The following TRIM49B variants were observed in gnomAD, a reference collection of about 807,000 sequenced individuals.
TRIM49B encodes the protein tripartite motif containing 49B.
A neutral mutation model predicts 31.8 loss-of-function variants in TRIM49B; 18 were observed. The ratio of observed to expected loss-of-function variants is 0.57; its 90% CI spans 0.39 to 0.84. The LOEUF is 0.84. TRIM49B is among the 40% of genes least tolerant of loss of function. The pLI is 0.00. For missense variants in TRIM49B, 494 were observed against 538.7 expected, an observed-to-expected ratio of 0.92 and a Z score of 0.82; for synonymous variants, 196 against 180.6, an observed-to-expected ratio of 1.09 and a Z score of -0.68.
intron 1 of TRIM49B, 134 bp from the exon 2 acceptor site, chr11:49,031,462 A>G (rs1854444383): frequency 2.7e-6 from 4 of 1,477,206 alleles, no homozygotes; most frequent in Non-Finnish European, 3.6e-6. Flanking sequence ...TAAGTTTGTA[A>G]CAGAAGAAAT....
Position 49,034,495 on chromosome 11 carries a change from A to G in TRIM49B, c.738+119A>G, listed in dbSNP as rs1261208875. 29 of 1,600,302 alleles carry G rather than the reference A, an allele frequency of 1.8e-5. No homozygotes were observed. The East Asian group carries it at 5.6e-4, about 31-fold the overall frequency. On this transcript the variant is annotated intron_variant, in intron 4 of 6. Transcript: ENST00000332682. ...ATGATGTGTTTCCAAAAACACATTCACATAACTAATGCTACTTTGTTGGGA... is the reference window on the plus strand; with the variant it reads ...ATGATGTGTTTCCAAAAACACATTCGCATAACTAATGCTACTTTGTTGGGA...
chr11:49,031,834 A>G lies in TRIM49B; in HGVS notation c.235A>G (p.Lys79Glu). The G allele has an allele frequency of 6.2e-7, 1 of 1,613,970 alleles. No homozygotes were observed. The highest frequency in any genetic ancestry group is 8.5e-7 in the Non-Finnish European group (1 of 1,179,874). ...CAAGAAGATGGCTTCTCTTGCTAGA[A>G]AAGTCAGTCTCTGGCTATTCCTGAG... ...HFKKMASLARKVSLWLFLSSE... is the reference protein window; with the variant it reads ...HFKKMASLAREVSLWLFLSSE... Residue 79 changes from lysine to glutamate, a missense_variant, in exon 2 of 7, where the codon AAA becomes GAA. Around this residue, in one of 3 missense-constraint regions of TRIM49B, gnomAD observed 251 missense variants for 232.8 expected, o/e 1.08. Transcript: ENST00000332682.
chr11:49,037,948 A>G lies in TRIM49B; in HGVS notation c.1330A>G (p.Arg444Gly). ...IPNCSFSPPL[R>G]PIFCCIHF Reference sequence around the variant, plus strand: ...TAATTGCTCTTTCTCACCTCCTCTCAGGCCTATCTTTTGCTGTATTCACTT... The same window carrying G: ...TAATTGCTCTTTCTCACCTCCTCTCGGGCCTATCTTTTGCTGTATTCACTT... Residue 444 changes from arginine to glycine, a missense_variant, in exon 7 of 7, where the codon AGG (arginine) becomes GGG (glycine). Physicochemically the swap from Arg to Gly is moderately radical, Grantham distance 125. Around this residue, in one of 3 missense-constraint regions of TRIM49B, gnomAD observed 233 missense variants for 281.4 expected, o/e 0.83. Transcript: ENST00000332682. 2 of 1,612,278 alleles carry G rather than the reference A, an allele frequency of 1.2e-6. No individual in the cohort carries two copies. The highest frequency in any genetic ancestry group is 2.2e-5 in the South Asian group (2 of 90,992).
chr11:49,035,975 AT>A (rs1463778473), intron 5 of TRIM49B, among the ~76,000 whole-genome samples: 14 of 110,820 alleles, frequency 1.3e-4, no homozygotes, highest in Non-Finnish European at 2.3e-4. Flanking sequence ...GAACCCCGCT[AT>A]TTCAGACAAA....
chr11:49,033,475 ATATG>A (rs5791864), intron 3 of TRIM49B, among the ~76,000 whole-genome samples: 119,072 of 148,764 alleles, frequency 0.8, 47,828 homozygotes, highest in African/African-American at 0.83. Flanking sequence ...GTATATATAT[ATATG>A]TATGTATGTA....
rs773619981 is a variant in TRIM49B at position 49,037,542 on chromosome 11, C to A, written c.924C>A (p.Ser308Arg). The stretch of plus-strand genomic sequence containing the variant: ...TCTTTCTATGTGAAATTTTGAGAAG[C>A]ATGTGTATTGGATGTGACCATCAAG... ...SDIFLCEILRSMCIGCDHQDV... is the reference protein window; with the variant it reads ...SDIFLCEILRRMCIGCDHQDV... Residue 308 changes from serine (S) to arginine (R), a missense_variant, in exon 7 of 7, where the codon AGC becomes AGA. Ser to Arg is a moderately radical substitution (Grantham distance 110, BLOSUM62 -1). Around this residue, in one of 3 missense-constraint regions of TRIM49B, gnomAD observed 233 missense variants for 281.4 expected, o/e 0.83. Transcript: ENST00000332682. 6 of 1,614,008 alleles carry A rather than the reference C, an allele frequency of 3.7e-6. No individual in the cohort carries two copies. The highest frequency in any genetic ancestry group is 5.1e-6 in the Non-Finnish European group (6 of 1,180,038).
rs1226343768 is a variant in TRIM49B, at chr11:49,034,393, T to A, written c.738+17T>A. 1 of 1,611,858 alleles carries A rather than the reference T, an allele frequency of 6.2e-7. No homozygotes were observed. The highest frequency in any genetic ancestry group is 2.2e-5 in the East Asian group (1 of 44,890). The stretch of plus-strand genomic sequence containing the variant: ...CTACTTCAGGTACAAACTCGCCATG[T>A]GGTTTCAGGTTTTTGAATATTCACA... On this transcript the variant is annotated intron_variant, in intron 4 of 6. Coordinates refer to ENST00000332682, the MANE Select transcript of TRIM49B (RefSeq NM_001206626.2).
chr11:49,037,183 A>G (rs1198453894), intron 6 of TRIM49B, among the ~76,000 whole-genome samples: 1 of 152,248 alleles, frequency 6.6e-6, no homozygotes, highest in Admixed American at 6.5e-5. Flanking sequence ...CTAAATAATG[A>G]TCTTGATAAC....
rs745858955 is a variant in TRIM49B at position 49,031,706 on chromosome 11, G to A, written c.107G>A (p.Arg36Lys). The change falls in exon 2 of 7, where the codon AGG becomes AAG. Residue 36 changes from arginine to lysine, a missense_variant. Transcript: ENST00000332682. Reference sequence around the variant, plus strand: ...ATAGACTGTGGGCACAGCTTTTGCAGGCCTTGTTTCTACCTCAACTGGAAA... The same window carrying A: ...ATAGACTGTGGGCACAGCTTTTGCAAGCCTTGTTTCTACCTCAACTGGAAA... ...VTIDCGHSFC[R>K]PCFYLNWKDS... The A allele has an allele frequency of 5.0e-6, 8 of 1,613,938 alleles. No individual in the cohort carries two copies. The highest frequency in any genetic ancestry group is 6.8e-6 in the Non-Finnish European group (8 of 1,179,864).
At chr11:49,035,968 C>A (rs1031704029) in intron 5 of TRIM49B, among the ~76,000 whole-genome samples, 1 of 133,744 alleles carries the variant, frequency 7.5e-6, no homozygotes. Context: ...CTCCCCAGAA[C>A]CCCGCTATTT....
rs535054591 is a variant in TRIM49B, at chr11:49,031,973, G to A, written c.374G>A (p.Arg125Lys). 12 of 1,612,042 alleles carry A rather than the reference G, an allele frequency of 7.4e-6. No individual in the cohort carries two copies. The South Asian group carries it at 1.3e-4, about 18-fold the overall frequency. The change falls in exon 2 of 7, where the codon AGA (arginine) becomes AAA (lysine). Residue 125 changes from arginine (R) to lysine (K), a missense_variant. By Grantham distance (26) the Arg-to-Lys change is conservative. This residue lies in a region of TRIM49B where 251 missense variants were observed against 232.8 expected (regional missense o/e 1.08). Transcript: ENST00000332682. ...CSSSQEHRDH[R>K]HCPIESAAEE... Reference sequence around the variant, plus strand: ...AGCTCTCAGGAGCACCGGGATCACAGACACTGTCCCATTGAGTCGGCTGCT... The same window carrying A: ...AGCTCTCAGGAGCACCGGGATCACAAACACTGTCCCATTGAGTCGGCTGCT...
At chr11:49,033,073 T>C (rs574608894) in intron 3 of TRIM49B, among the ~76,000 whole-genome samples, 1 of 152,296 alleles carries the variant, frequency 6.6e-6, no homozygotes, top group East Asian at 1.9e-4. Flanking sequence ...TATTAGTTTG[T>C]TGAAAAGCAT....
At chr11:49,037,357 T>C in intron 6 of TRIM49B, 121 bp from the exon 7 acceptor site, 2 of 1,248,658 alleles carry the variant, frequency 1.6e-6, no homozygotes, top group South Asian at 1.9e-5. Context: ...TCTCTATACT[T>C]TACTAGAAGT....
intron 3 of TRIM49B, 68 bp downstream of exon 3, chr11:49,032,439 G>T (rs1455917863): frequency 6.2e-7 from 1 of 1,607,380 alleles, no homozygotes; most frequent in Non-Finnish European, 8.5e-7. Context: ...CTTAAAATAG[G>T]AACTGGATAT....
chr11:49,031,607 C>T lies in TRIM49B; in HGVS notation c.8C>T (p.Ser3Phe). The T allele has an allele frequency of 6.2e-7, 1 of 1,613,688 alleles. No homozygotes were observed. Among genetic ancestry groups the T allele is most frequent in the Non-Finnish European group, 8.5e-7 (1 of 1,179,816 alleles). Residue 3 changes from serine (S) to phenylalanine (F), a missense_variant, in exon 2 of 7, where the codon TCT (serine) becomes TTT (phenylalanine). Transcript: ENST00000332682. MN[S>F]GILQVFQREL... ...TCTTTGTTCCTCAGAAACATGAATT[C>T]TGGAATCTTACAGGTCTTTCAGAGG...
At chr11:49,034,942 A>G (rs1251818811) in intron 4 of TRIM49B, among the ~76,000 whole-genome samples, 153 bp from the exon 5 acceptor site, 8 of 152,206 alleles carry the variant, frequency 5.3e-5, no homozygotes, top group Admixed American at 4.6e-4. Context: ...TGGGTTTTTC[A>G]TTACAGAAGA....
At position 49,036,349 on chromosome 11, in the gene TRIM49B, C is replaced by G. The variant is rs1168020696; in HGVS notation, c.810C>G (p.Leu270=). 5.1e-6 allele frequency: 8 copies of G among 1,576,950 alleles called. No homozygotes were observed. In the African/African-American group the frequency reaches 1.1e-4, roughly 21 times the overall value. Residue 270 remains leucine, a synonymous_variant, in exon 6 of 7, where the codon CTC becomes CTG. Transcript: ENST00000332682. The part of the protein sequence containing the change: ...LHMPQPLNPE[L]SAGPITGLRD... ...TGCCCCAGCCTCTGAATCCAGAGCT[C>G]AGTGCAGGGCCCATCACTGGACTGA...
rs1358090828 is a variant in TRIM49B at position 49,037,570 on chromosome 11, G to A, written c.952G>A (p.Val318Ile). 2 of 1,614,128 alleles carry A rather than the reference G, an allele frequency of 1.2e-6. No homozygotes were observed. The highest frequency in any genetic ancestry group is 2.2e-5 in the East Asian group (1 of 44,882). ...GTGTATTGGATGTGACCATCAAGAT[G>A]TACCCTATTTCACTGCAACACCTAG... is the stretch of plus-strand genomic sequence containing the variant. ...SMCIGCDHQD[V>I]PYFTATPRSF... The change falls in exon 7 of 7, where the codon GTA (valine) becomes ATA (isoleucine). Residue 318 changes from valine (V) to isoleucine (I), a missense_variant. Physicochemically the swap from Val to Ile is conservative, Grantham distance 29 (BLOSUM62 3). Transcript: ENST00000332682.
intron 3 of TRIM49B, 134 bp from the exon 4 acceptor site, chr11:49,034,012 A>G (rs1454704463): frequency 1.7e-5 from 25 of 1,488,206 alleles, no homozygotes; most frequent in Non-Finnish European, 2.2e-5. Context: ...GAAAGGAACA[A>G]AATTTGTAGA....
Sources: gnomAD v4.1 joint callset for allele counts (sites outside exome capture counted in the v4.1 genomes callset) on GRCh38, gnomAD v4.1.1 for gene constraint, gnomAD v4.1.1 regional missense constraint, MANE v1.5 for transcripts, NCBI Gene and HGNC (gene_info 2026-07-23, HGNC 2026-07-21) for gene names.